CAST: variants seen among roughly 807,000 people sequenced by gnomAD.
CAST encodes calpastatin, also known as MIR583 host.
In CAST, 76 loss-of-function variants were observed where a neutral mutation model predicts 119.6. The observed-to-expected ratio is 0.64, with a 90% CI of 0.53 to 0.77. The LOEUF (loss-of-function observed/expected upper bound fraction) is 0.77. Among genes scored for constraint, CAST ranks in the 30% least tolerant of loss-of-function variants. The pLI is 0.00. For missense variants in CAST, 953 were observed against 946.5 expected (o/e 1.01, Z -0.09); for synonymous variants, 319 against 331.6 (o/e 0.96, Z 0.41).
At chr5:95,971,960 C>CTT in the CAST span, among the ~76,000 whole-genome samples, 622 of 136,968 alleles carry the variant, frequency 4.5e-3, 7 homozygotes, top group African/African-American at 0.016. Flanking sequence ...TCTTTTATTT[C>CTT]TTTTTTTTTT....
the CAST span, among the ~76,000 whole-genome samples, chr5:96,474,469 A>T: frequency 2.0e-5 from 3 of 152,196 alleles, no homozygotes; most frequent in Admixed American, 2.0e-4. Flanking sequence ...TTGTGTGCCT[A>T]AATTCTAGCC....
chr5:96,393,936 G>C, the CAST span, among the ~76,000 whole-genome samples: 2 of 152,322 alleles, frequency 1.3e-5, no homozygotes, highest in African/African-American at 4.8e-5. Flanking sequence ...GCCAACTGCT[G>C]TGGAAGTGTT....
chr5:96,311,602 T>C, the CAST span, among the ~76,000 whole-genome samples: 1 of 152,234 alleles, frequency 6.6e-6, no homozygotes, highest in South Asian at 2.1e-4. Context: ...TGCATATATA[T>C]ATTTATAATT....
At chr5:96,075,019 G>C in the CAST span, among the ~76,000 whole-genome samples, 4 of 152,174 alleles carry the variant, frequency 2.6e-5, no homozygotes, top group Admixed American at 2.6e-4. Flanking sequence ...TCCCCAGGAA[G>C]TGGTCTGCCA....
rs750877321 is a variant in CAST at position 96,741,291 on chromosome 5, T to C, written c.944T>C (p.Ile315Thr). 4 of 1,612,502 alleles carry C rather than the reference T, an allele frequency of 2.5e-6. No individual in the cohort carries two copies. The highest frequency in any genetic ancestry group is 4.5e-5 in the East Asian group (2 of 44,874). Residue 315 changes from isoleucine to threonine, a missense_variant, in exon 14 of 32, where the codon ATA becomes ACA. Ile to Thr is a moderately conservative substitution (Grantham distance 89, BLOSUM62 -1). Transcript: ENST00000675179. ...SSKPIGPDDA[I>T]DALSSDFTCG... ...AAACCCATAGGGCCAGATGATGCTATAGACGCCTTGTCATCTGACTTCACC... is the reference window on the plus strand; with the variant it reads ...AAACCCATAGGGCCAGATGATGCTACAGACGCCTTGTCATCTGACTTCACC...
At chr5:96,434,607 GTTT>G in the CAST span, among the ~76,000 whole-genome samples, 7 of 147,304 alleles carry the variant, frequency 4.8e-5, no homozygotes, top group South Asian at 2.1e-4. Context: ...TGGGAAGTTT[GTTT>G]TTTTTTTTGT....
chr5:95,979,162 A>G, the CAST span, among the ~76,000 whole-genome samples: 3 of 152,210 alleles, frequency 2.0e-5, no homozygotes, highest in Non-Finnish European at 4.4e-5. Flanking sequence ...ATACAGAGAA[A>G]TAGAAAAAAG....
the CAST span, among the ~76,000 whole-genome samples, chr5:96,292,761 G>T: frequency 2.6e-5 from 4 of 152,198 alleles, no homozygotes; most frequent in African/African-American, 9.7e-5. Context: ...TGCGTCACAA[G>T]GATGACCCAA....
At chr5:96,587,704 A>G (rs1030848950) in intron 1 of CAST, among the ~76,000 whole-genome samples, 1 of 152,234 alleles carries the variant, frequency 6.6e-6, no homozygotes, top group African/African-American at 2.4e-5. Flanking sequence ...TTTTAACTGC[A>G]AGAAATGCTC....
At chr5:96,233,990 G>T in the CAST span, among the ~76,000 whole-genome samples, 6 of 152,062 alleles carry the variant, frequency 3.9e-5, no homozygotes, top group African/African-American at 1.4e-4. Context: ...TTGATATTAA[G>T]TAAAAGCCAA....
At chr5:96,685,876 A>C (rs2150278621) in intron 2 of CAST, among the ~76,000 whole-genome samples, 1 of 152,362 alleles carries the variant, frequency 6.6e-6, no homozygotes, top group East Asian at 1.9e-4. Flanking sequence ...GCACATTTTG[A>C]GTAACACTGA....
chr5:96,100,920 G>A, the CAST span, among the ~76,000 whole-genome samples: 2 of 152,110 alleles, frequency 1.3e-5, no homozygotes, highest in Non-Finnish European at 2.9e-5. Context: ...ATGTGTGTGT[G>A]TGTATATATA....
chr5:96,589,332 A>C (rs1746922693), intron 1 of CAST, among the ~76,000 whole-genome samples: 3 of 152,180 alleles, frequency 2.0e-5, no homozygotes, highest in Non-Finnish European at 4.4e-5. Context: ...AATTTCTATA[A>C]TTTGAATATG....
At chr5:96,529,935 C>A (rs987629000) in intron 1 of CAST, 5 of 322,198 alleles carry the variant, frequency 1.6e-5, no homozygotes, top group African/African-American at 6.7e-5. Context: ...GGTGTTTTTT[C>A]ATAGAACCGT....
chr5:96,770,909 T>TG (rs1296061840), intron 30 of CAST, among the ~76,000 whole-genome samples: 1 of 152,160 alleles, frequency 6.6e-6, no homozygotes, highest in Non-Finnish European at 1.5e-5. Context: ...TTTTAGAACA[T>TG]GGAAGTTGGA....
At chr5:95,966,250 G>A in the CAST span, among the ~76,000 whole-genome samples, 141 of 152,286 alleles carry the variant, frequency 9.3e-4, no homozygotes, top group Non-Finnish European at 1.8e-3. Context: ...GGGATTATGA[G>A]AAGGGAGGCT....
At chr5:96,736,380 T>G in intron 10 of CAST, 140 bp downstream of exon 10, 1 of 547,292 alleles carries the variant, frequency 1.8e-6, no homozygotes, top group Non-Finnish European at 3.2e-6. Flanking sequence ...TTCAAGCTAA[T>G]ATTGAAAGTG....
In CAST at chr5:96,740,064, G is replaced by A. The variant is rs375142194; in HGVS notation, c.825G>A (p.Glu275=). Residue 275 remains glutamate, a synonymous_variant, in exon 12 of 32, where the codon GAG becomes GAA. Transcript: ENST00000675179. Reference sequence around the variant, plus strand: ...ATCCAATGAGTTCCACCTACATAGAGGAATTGGGTAAAAGAGAAGTCACAA... The same window carrying A: ...ATCCAATGAGTTCCACCTACATAGAAGAATTGGGTAAAAGAGAAGTCACAA... ...VSDPMSSTYI[E]ELGKREVTIP... The A allele has an allele frequency of 1.9e-6, 3 of 1,580,446 alleles. No homozygotes were observed. The highest frequency in any genetic ancestry group is 2.6e-6 in the Non-Finnish European group (3 of 1,155,300).
chr5:96,078,258 GA>G, the CAST span, among the ~76,000 whole-genome samples: 1 of 152,050 alleles, frequency 6.6e-6, no homozygotes, highest in Non-Finnish European at 1.5e-5. Context: ...TGAATTTTGG[GA>G]GAGACACAAA....
Sources: allele counts gnomAD v4.1 joint callset (sites outside exome capture counted in the v4.1 genomes callset), GRCh38; gene constraint gnomAD v4.1.1; transcripts MANE v1.5; gene names NCBI Gene and HGNC (gene_info 2026-07-23, HGNC 2026-07-21).